MEI1: variants seen among roughly 807,000 people sequenced by gnomAD.
MEI1 encodes the protein meiosis inhibitor protein 1.
Under a neutral mutation model 146.2 loss-of-function variants are expected in MEI1, and 103 were observed. That is an observed-to-expected ratio of 0.70 (90% CI 0.60 to 0.83). The LOEUF (loss-of-function observed/expected upper bound fraction) is 0.83. Among genes scored for constraint, MEI1 ranks in the 40% least tolerant of loss-of-function variants. The probability of loss-of-function intolerance (pLI) is 0.00; values close to 1 mark genes in which losing one functional copy is unlikely to be tolerated. For synonymous variants in MEI1, 652 were observed against 628.2 expected (o/e 1.04, Z -0.57); for missense variants, 1,529 against 1,533.0 (o/e 1.00, Z 0.04).
At chr22:41,703,997 A>G (rs2068898926) in intron 2 of MEI1, among the ~76,000 whole-genome samples, 1 of 152,292 alleles carries the variant, frequency 6.6e-6, no homozygotes, top group South Asian at 2.1e-4. Context: ...AACAAAAATA[A>G]AAATTCTTCA....
At chr22:41,724,505 C>T (rs987033848) in intron 7 of MEI1, among the ~76,000 whole-genome samples, 6 of 151,702 alleles carry the variant, frequency 4.0e-5, no homozygotes, top group African/African-American at 1.5e-4. Flanking sequence ...GTAGTCCCAG[C>T]TACTCGGGAT....
Position 41,787,655 on chromosome 22 carries a change from C to T in MEI1, c.3345+2872C>T, listed in dbSNP as rs905901890. ...GGCCAGTTAGGGAAATGCTTTCTCC[C>T]TAATGTTTCTAAAAGCGCTGATGTT... On this transcript the variant is annotated intron_variant, in intron 26 of 30. Coordinates refer to ENST00000401548, the MANE Select transcript of MEI1 (RefSeq NM_152513.4). 2.6e-5 allele frequency among the ~76,000 whole-genome samples: 4 copies of T among 152,254 alleles called. No individual in the cohort carries two copies. In the South Asian group the frequency reaches 6.2e-4, roughly 24 times the overall value.
intron 17 of MEI1, among the ~76,000 whole-genome samples, chr22:41,755,108 G>A (rs1569257768): frequency 1.3e-5 from 2 of 152,248 alleles, no homozygotes; most frequent in East Asian, 3.9e-4. Context: ...ACCTGCCAGG[G>A]GAGGCCTAGG....
chr22:41,792,933 A>G (rs1235316396), intron 26 of MEI1, among the ~76,000 whole-genome samples: 2 of 141,912 alleles, frequency 1.4e-5, no homozygotes, highest in African/African-American at 2.5e-5. Flanking sequence ...AAAAAAAAAA[A>G]GGTTGAAACC....
intron 17 of MEI1, among the ~76,000 whole-genome samples, chr22:41,754,829 G>A (rs1483405265): frequency 2.6e-5 from 4 of 152,174 alleles, no homozygotes; most frequent in African/African-American, 4.8e-5. Context: ...ATTGAAACAG[G>A]CAGGCAATAA....
At position 41,705,402 on chromosome 22, in the gene MEI1, C is replaced by A; in HGVS notation, c.299-102C>A. The A allele has an allele frequency of 4.2e-6, 4 of 949,430 alleles. No homozygotes were observed. In the East Asian group the frequency reaches 7.2e-5, roughly 17 times the overall value. 58.8% of individuals were successfully genotyped at this position (949,430 alleles called of 1,614,324 possible). A position where few individuals can be genotyped will look rare whatever the true frequency, so the allele number is the denominator to read the frequency against. Reference sequence around the variant, plus strand: ...GGTCAGGCTTTTCTTGAATTCCTGACCTCAGGTAATCTGCCACCTCGGCCT... The same window carrying A: ...GGTCAGGCTTTTCTTGAATTCCTGAACTCAGGTAATCTGCCACCTCGGCCT... On this transcript the variant is annotated intron_variant, in intron 2 of 30. Coordinates refer to ENST00000401548, the MANE Select transcript of MEI1 (RefSeq NM_152513.4).
chr22:41,709,882 C>T (rs1017141812), intron 3 of MEI1, among the ~76,000 whole-genome samples: 18 of 152,136 alleles, frequency 1.2e-4, no homozygotes, highest in African/African-American at 4.3e-4. Context: ...TGTGACCTCT[C>T]ATGGAAGCAT....
intron 20 of MEI1, 115 bp from the exon 21 acceptor site, chr22:41,775,987 C>T: frequency 9.6e-7 from 1 of 1,046,578 alleles, no homozygotes; most frequent in Non-Finnish European, 1.4e-6. Flanking sequence ...TGACAGATTA[C>T]CCAGTTTTTG....
At chr22:41,774,719 A>G (rs1301973652) in intron 20 of MEI1, among the ~76,000 whole-genome samples, 1 of 152,224 alleles carries the variant, frequency 6.6e-6, no homozygotes, top group Middle Eastern at 3.2e-3. Context: ...AATTGGGGTG[A>G]CACCTATATG....
intron 21 of MEI1, among the ~76,000 whole-genome samples, chr22:41,777,377 A>G (rs1470834730): frequency 6.6e-6 from 1 of 151,566 alleles, no homozygotes; most frequent in Non-Finnish European, 1.5e-5. Flanking sequence ...GCTGGTCTCG[A>G]ACTCCTGACC....
chr22:41,719,391 T>C (rs1264115995), intron 6 of MEI1, among the ~76,000 whole-genome samples: 2 of 152,210 alleles, frequency 1.3e-5, no homozygotes, highest in East Asian at 1.9e-4. Context: ...TTCACCATGT[T>C]GCCCAGGCTG....
intron 25 of MEI1, 22 bp from the exon 26 acceptor site, chr22:41,784,586 G>A (rs1483799907): frequency 1.9e-6 from 3 of 1,609,126 alleles, no homozygotes; most frequent in East Asian, 2.2e-5. Flanking sequence ...GGAATTGGGT[G>A]TAAGGAATCT....
intron 11 of MEI1, among the ~76,000 whole-genome samples, chr22:41,735,045 T>G (rs1177375876): frequency 5.4e-5 from 8 of 149,084 alleles, no homozygotes; most frequent in Non-Finnish European, 1.0e-4. Context: ...CACTGCAACC[T>G]CCGCCTCCCA....
At chr22:41,788,692 C>T (rs1451363528) in intron 26 of MEI1, among the ~76,000 whole-genome samples, 7 of 152,100 alleles carry the variant, frequency 4.6e-5, no homozygotes, top group African/African-American at 9.7e-5. Flanking sequence ...CTGCCCACCT[C>T]GGCCTCCCAA....
intron 26 of MEI1, among the ~76,000 whole-genome samples, chr22:41,791,616 A>T (rs1029247144): frequency 6.6e-6 from 1 of 152,202 alleles, no homozygotes; most frequent in African/African-American, 2.4e-5. Flanking sequence ...CCTCATACCC[A>T]TGAGGGTGGC....
intron 3 of MEI1, among the ~76,000 whole-genome samples, chr22:41,710,212 G>A (rs5758428): frequency 0.83 from 126,731 of 151,994 alleles, 53,789 homozygotes; most frequent in African/African-American, 0.95. Context: ...GAAGGTAGCC[G>A]TCTGCAAGCC....
intron 26 of MEI1, among the ~76,000 whole-genome samples, chr22:41,788,738 GC>G (rs1451951199): frequency 1.3e-5 from 2 of 152,198 alleles, no homozygotes; most frequent in Non-Finnish European, 2.9e-5. Flanking sequence ...AACGTGCCCA[GC>G]CACCAGTGAA....
intron 26 of MEI1, among the ~76,000 whole-genome samples, chr22:41,793,032 CTTTT>C (rs869223251): frequency 0.37 from 17,401 of 47,186 alleles, 2,744 homozygotes; most frequent in African/African-American, 0.54. Context: ...ACAAAGCATT[CTTTT>C]TTTTTTTTTT....
At chr22:41,709,592 G>A (rs1300924143) in intron 3 of MEI1, 2 of 445,570 alleles carry the variant, frequency 4.5e-6, no homozygotes, top group Non-Finnish European at 8.4e-6. Context: ...CTTCTGAAAG[G>A]TCTGAATCTT....
Sources: gnomAD v4.1 joint callset for allele counts (sites outside exome capture counted in the v4.1 genomes callset) on GRCh38, gnomAD v4.1.1 for gene constraint, MANE v1.5 for transcripts, NCBI Gene and HGNC (gene_info 2026-07-23, HGNC 2026-07-21) for gene names.